Variants in PITPNC1 observed in about 807,000 individuals in gnomAD.
PITPNC1 encodes the protein cytoplasmic phosphatidylinositol transfer protein 1.
Under a neutral mutation model 44.7 loss-of-function variants are expected in PITPNC1, and 18 were observed. That is an observed-to-expected ratio of 0.40 (90% CI 0.28 to 0.60). The LOEUF is 0.60. PITPNC1 is among the 20% of genes least tolerant of loss of function. The pLI is 0.39. For missense variants in PITPNC1, 290 were observed against 418.4 expected (o/e 0.69, Z 2.68); for synonymous variants, 141 against 149.6 (o/e 0.94, Z 0.42).
At chr17:67,431,062 C>CT (rs6146118) in intron 1 of PITPNC1, among the ~76,000 whole-genome samples, 37,075 of 132,702 alleles carry the variant, frequency 0.28, 5,975 homozygotes, top group Middle Eastern at 0.39. Flanking sequence ...GTTACTGTTT[C>CT]TTTTTTTTTT....
In PITPNC1 at chr17:67,689,228, A is replaced by G. The variant is rs2042877803; in HGVS notation, c.683-3344A>G. 2.6e-5 allele frequency among the ~76,000 whole-genome samples: 4 copies of G among 151,182 alleles called. No homozygotes were observed. In the South Asian group the frequency reaches 6.3e-4, roughly 24 times the overall value. On this transcript the variant is annotated intron_variant, in intron 8 of 8. Coordinates refer to ENST00000581322, the MANE Select transcript of PITPNC1 (RefSeq NM_012417.4). The stretch of plus-strand genomic sequence containing the variant: ...AAATAAATAAATAAATAAATAAAGT[A>G]AAATAAATAAATAAAGTAAAATAAA...
chr17:67,487,132 A>G (rs990178985), intron 1 of PITPNC1, among the ~76,000 whole-genome samples: 2 of 152,150 alleles, frequency 1.3e-5, no homozygotes, highest in Admixed American at 1.3e-4. Flanking sequence ...CATTACAGAC[A>G]AATCACACCA....
At chr17:67,595,401 A>G (rs2041446833) in intron 5 of PITPNC1, among the ~76,000 whole-genome samples, 1 of 151,766 alleles carries the variant, frequency 6.6e-6, no homozygotes, top group African/African-American at 2.4e-5. Context: ...AAATCCCTGG[A>G]TGCCATCTAT....
chr17:67,436,140 G>A (rs899547914), intron 1 of PITPNC1, among the ~76,000 whole-genome samples: 1 of 150,276 alleles, frequency 6.7e-6, no homozygotes, highest in African/African-American at 2.5e-5. Context: ...CTACAGATGT[G>A]TGCCACCACA....
chr17:67,393,918 A>G (rs982437444), intron 1 of PITPNC1, among the ~76,000 whole-genome samples: 4 of 152,216 alleles, frequency 2.6e-5, no homozygotes, highest in African/African-American at 9.6e-5. Flanking sequence ...CGTATGAATA[A>G]GTTAACCGTG....
intron 1 of PITPNC1, among the ~76,000 whole-genome samples, chr17:67,406,610 A>G (rs1262727904): frequency 6.8e-6 from 1 of 147,562 alleles, no homozygotes; most frequent in African/African-American, 2.5e-5. Flanking sequence ...TTTTTGAGAT[A>G]AAGTCTCGCT....
At chr17:67,523,525 T>C (rs1485163049) in intron 1 of PITPNC1, among the ~76,000 whole-genome samples, 2 of 151,986 alleles carry the variant, frequency 1.3e-5, no homozygotes, top group African/African-American at 4.8e-5. Flanking sequence ...ATTCTCACCA[T>C]GTCTTGCGAG....
intron 1 of PITPNC1, among the ~76,000 whole-genome samples, chr17:67,500,228 C>A (rs533934134): frequency 1.3e-5 from 2 of 152,306 alleles, no homozygotes; most frequent in South Asian, 2.1e-4. Flanking sequence ...AACATTAAGG[C>A]CTTACCCTTT....
Position 67,652,255 on chromosome 17 carries a change from A to G in PITPNC1, c.463-17253A>G, listed in dbSNP as rs111940378. Among the ~76,000 whole-genome samples the G allele has an allele frequency of 1.3e-3, 193 of 152,332 alleles. 1 individual carries two copies. Among genetic ancestry groups the G allele is most frequent in the African/African-American group, 4.5e-3 (189 of 41,566 alleles). ...GCCTCCAAGATGCAAGCTCAGCCCC[A>G]GCTGGACCAAGCTCTCCTGTGGGCT... On this transcript the variant is annotated intron_variant, in intron 6 of 8. Transcript: ENST00000581322.
chr17:67,661,555 G>A (rs142062664), intron 6 of PITPNC1, among the ~76,000 whole-genome samples: 1,753 of 152,266 alleles, frequency 0.012, 34 homozygotes, highest in African/African-American at 0.04. Context: ...GTAGGGTTGC[G>A]TCTGTTCTGA....
intron 5 of PITPNC1, among the ~76,000 whole-genome samples, chr17:67,618,238 A>G (rs1446924775): frequency 1.3e-5 from 2 of 151,466 alleles, no homozygotes; most frequent in Non-Finnish European, 2.9e-5. Flanking sequence ...GATGGTGCAC[A>G]CCTGTAATCC....
intron 1 of PITPNC1, among the ~76,000 whole-genome samples, chr17:67,504,253 C>T (rs1346360308): frequency 6.6e-6 from 1 of 152,174 alleles, no homozygotes; most frequent in African/African-American, 2.4e-5. Context: ...CTCTACTGAA[C>T]CTAAGTTGTT....
At chr17:67,573,554 C>A (rs1340475620) in intron 4 of PITPNC1, among the ~76,000 whole-genome samples, 1 of 122,210 alleles carries the variant, frequency 8.2e-6, no homozygotes, top group Admixed American at 1.1e-4. Context: ...AAACTGAATA[C>A]TCTTTTTTTT....
intron 4 of PITPNC1, among the ~76,000 whole-genome samples, chr17:67,559,066 G>A (rs1202929362): frequency 6.6e-6 from 1 of 152,144 alleles, no homozygotes; most frequent in Admixed American, 6.6e-5. Flanking sequence ...CACAGTCTGG[G>A]CCTTATCAAG....
intron 1 of PITPNC1, among the ~76,000 whole-genome samples, chr17:67,406,470 A>G (rs1275143900): frequency 1.3e-5 from 2 of 152,154 alleles, no homozygotes; most frequent in South Asian, 2.1e-4. Context: ...CACACAATGT[A>G]TGGCCTTCAT....
chr17:67,399,871 G>A (rs1007422134), intron 1 of PITPNC1, among the ~76,000 whole-genome samples: 6 of 152,180 alleles, frequency 3.9e-5, no homozygotes, highest in African/African-American at 1.4e-4. Context: ...GTGTGGACAC[G>A]GAAGACCTAG....
At chr17:67,629,675 C>T (rs149637519) in intron 5 of PITPNC1, among the ~76,000 whole-genome samples, 16 of 152,338 alleles carry the variant, frequency 1.1e-4, no homozygotes, top group African/African-American at 3.4e-4. Flanking sequence ...GACTGGCTCT[C>T]GCAAACAGTG....
intron 1 of PITPNC1, among the ~76,000 whole-genome samples, chr17:67,425,335 C>T (rs1267702577): frequency 6.6e-6 from 1 of 151,494 alleles, no homozygotes; most frequent in African/African-American, 2.4e-5. Context: ...ATGAACCCCT[C>T]AGAAATGGTC....
chr17:67,497,980 C>T (rs35201260), intron 1 of PITPNC1, among the ~76,000 whole-genome samples: 7,643 of 152,048 alleles, frequency 0.05, 256 homozygotes, highest in Middle Eastern at 0.11. Flanking sequence ...CCCACCTCAG[C>T]CTCCTGAGTA....
Sources: allele counts gnomAD v4.1 joint callset (sites outside exome capture counted in the v4.1 genomes callset), GRCh38; gene constraint gnomAD v4.1.1; transcripts MANE v1.5; gene names NCBI Gene and HGNC (gene_info 2026-07-23, HGNC 2026-07-21).